The following DCLRE1C variants were observed in gnomAD, a reference collection of about 807,000 sequenced individuals.
DCLRE1C encodes protein artemis.
In DCLRE1C, 47 loss-of-function variants were observed where a neutral mutation model predicts 61.4. The observed-to-expected ratio is 0.77, with a 90% CI of 0.61 to 0.98. The LOEUF (loss-of-function observed/expected upper bound fraction) is 0.98. Among genes scored for constraint, DCLRE1C ranks in the 50% least tolerant of loss-of-function variants. DCLRE1C has a pLI of 0.00. For synonymous variants in DCLRE1C, 337 were observed against 287.6 expected (o/e 1.17, Z -1.74); for missense variants, 858 against 816.0 (o/e 1.05, Z -0.63).
At chr10:14,922,932 C>G in intron 12 of DCLRE1C, 49 bp downstream of exon 12, 2 of 1,342,842 alleles carry the variant, frequency 1.5e-6, no homozygotes, top group Non-Finnish European at 2.1e-6. Flanking sequence ...GTGTCCTAGC[C>G]AAGAGCCACC....
Position 14,906,134 on chromosome 10 carries a change from A to C in DCLRE1C, c.*2274T>G, listed in dbSNP as rs902632006. Among the ~76,000 whole-genome samples, 2 of 152,244 alleles carry C rather than the reference A, an allele frequency of 1.3e-5. No individual in the cohort carries two copies. Among genetic ancestry groups the C allele is most frequent in the Admixed American group, 6.5e-5 (1 of 15,286 alleles). ...AGTTAAGATCATGGTCTCTGAAGCCAAACTGCCTGTGTTTGAATTCTGCCT... is the reference window on the plus strand; with the variant it reads ...AGTTAAGATCATGGTCTCTGAAGCCCAACTGCCTGTGTTTGAATTCTGCCT... On this transcript the variant is annotated 3_prime_UTR_variant, in exon 14 of 14. Transcript: ENST00000378278.
At chr10:14,929,663 A>T (rs1055686079) in intron 9 of DCLRE1C, among the ~76,000 whole-genome samples, 1 of 151,018 alleles carries the variant, frequency 6.6e-6, no homozygotes, top group African/African-American at 2.5e-5. Flanking sequence ...AATTCAAATT[A>T]AAAAGTTTTC....
downstream of DCLRE1C, chr10:14,904,423 A>G (rs1263673059): frequency 2.7e-5 from 4 of 149,982 alleles, no homozygotes; most frequent in South Asian, 2.1e-4. Flanking sequence ...CAGTGTTAAG[A>G]AAAGGTTGTA....
chr10:14,935,320 G>C, intron 6 of DCLRE1C, 143 bp downstream of exon 6: 1 of 866,284 alleles, frequency 1.2e-6, no homozygotes, highest in Non-Finnish European at 1.8e-6. Context: ...TACAAAATTA[G>C]CTGGGCGTGG....
chr10:14,954,161 G>A (rs1842855412), upstream of DCLRE1C: 1 of 1,371,848 alleles, frequency 7.3e-7, no homozygotes, highest in Non-Finnish European at 1.0e-6. Context: ...CCGGAGACCG[G>A]GGGCAAAGTC....
chr10:14,923,197 C>A, intron 11 of DCLRE1C, 128 bp from the exon 12 acceptor site: 1 of 740,090 alleles, frequency 1.4e-6, no homozygotes, highest in Non-Finnish European at 2.4e-6. Context: ...GCTGGCTGCA[C>A]GTGGGGATCA....
At chr10:14,899,437 A>T in intron 13 of DCLRE1C, 2 of 1,285,356 alleles carry the variant, frequency 1.6e-6, no homozygotes, top group East Asian at 2.4e-5. Context: ...TGAATTTCTT[A>T]CTTTTTAAAT....
chr10:14,898,915 C>G (rs1450884297), exon 14 of DCLRE1C: 1 of 314,998 alleles, frequency 3.2e-6, no homozygotes, highest in Admixed American at 4.8e-5. Flanking sequence ...CATATACTTG[C>G]AGATTTAGTC....
intron 2 of DCLRE1C, among the ~76,000 whole-genome samples, chr10:14,947,174 T>C (rs1841824533): frequency 6.6e-6 from 1 of 152,070 alleles, no homozygotes. Flanking sequence ...ATCACGCTAC[T>C]GCACTCCTGC....
chr10:14,945,081 A>C, intron 3 of DCLRE1C, 24 bp downstream of exon 3: 1 of 1,572,014 alleles, frequency 6.4e-7, no homozygotes, highest in Non-Finnish European at 8.7e-7. Context: ...AAAAAAATTA[A>C]GTTATTAAAA....
intron 13 of DCLRE1C, among the ~76,000 whole-genome samples, chr10:14,918,939 T>C (rs41299738): frequency 3.1e-4 from 47 of 152,362 alleles, no homozygotes; most frequent in Non-Finnish European, 5.7e-4. Context: ...CTTAAGTCTC[T>C]AAACTTCAGT....
intron 12 of DCLRE1C, among the ~76,000 whole-genome samples, chr10:14,921,698 C>T (rs1837147174): frequency 6.6e-6 from 1 of 152,124 alleles, no homozygotes; most frequent in Admixed American, 6.6e-5. Context: ...CTCTGCTTAC[C>T]CTTCCCTTTG....
intron 12 of DCLRE1C, among the ~76,000 whole-genome samples, chr10:14,921,335 AAAC>A (rs1266355628): frequency 5.9e-5 from 9 of 152,038 alleles, no homozygotes; most frequent in Non-Finnish European, 1.2e-4. Flanking sequence ...AAGAAAAAAA[AAAC>A]AAGCACCTGA....
intron 3 of DCLRE1C, 54 bp from the exon 4 acceptor site, chr10:14,939,923 T>C: frequency 2.2e-6 from 3 of 1,367,336 alleles, no homozygotes; most frequent in Non-Finnish European, 3.1e-6. Flanking sequence ...TGGCTTTATA[T>C]GCCTTTGCTG....
intron 8 of DCLRE1C, among the ~76,000 whole-genome samples, chr10:14,934,072 A>T (rs761570491): frequency 2.0e-5 from 3 of 152,132 alleles, no homozygotes; most frequent in Admixed American, 2.0e-4. Context: ...TCAGGCCTAT[A>T]ATCCCAGCAC....
rs41296440 is a variant in DCLRE1C, at chr10:14,944,096, T to G, written c.246+1009A>C. 7.8e-3 allele frequency among the ~76,000 whole-genome samples: 1,186 copies of G among 152,280 alleles called. 22 individuals are homozygous for G. Among genetic ancestry groups the G allele is most frequent in the African/African-American group, 0.027 (1,134 of 41,554 alleles). ...ATCCCTTCCTTATGACAGCCTGTAA[T>G]TTGTTTATTTTTCTTACTCTATCCC... On this transcript the variant is annotated intron_variant, in intron 3 of 13. Coordinates refer to ENST00000378278, the MANE Select transcript of DCLRE1C (RefSeq NM_001033855.3).
rs1834301011 is a variant in DCLRE1C at position 14,905,325 on chromosome 10, A to T, written c.*3083T>A. ...CATAATGTGGATGAATACTTCAGAA[A>T]TTTTTGAGCATTGTCACTCACCAGG... On this transcript the variant is annotated 3_prime_UTR_variant, in exon 14 of 14. Coordinates refer to ENST00000378278, the MANE Select transcript of DCLRE1C (RefSeq NM_001033855.3). Among the ~76,000 whole-genome samples, 1 of 152,258 alleles carries T rather than the reference A, an allele frequency of 6.6e-6. No individual in the cohort carries two copies. The highest frequency in any genetic ancestry group is 2.1e-4 in the South Asian group (1 of 4,836).
intron 2 of DCLRE1C, 145 bp downstream of exon 2, chr10:14,948,891 G>A (rs1435849207): frequency 6.0e-6 from 4 of 662,588 alleles, no homozygotes; most frequent in Middle Eastern, 4.0e-4. Flanking sequence ...AGGGGTCTGG[G>A]ATATTGGTAC....
chr10:14,928,449 G>A (rs1035972060), intron 9 of DCLRE1C, among the ~76,000 whole-genome samples: 1 of 152,148 alleles, frequency 6.6e-6, no homozygotes, highest in Admixed American at 6.5e-5. Context: ...CGCAATGGAC[G>A]ACCCTCAAAT....
Sources: allele counts gnomAD v4.1 joint callset (sites outside exome capture counted in the v4.1 genomes callset), GRCh38; gene constraint gnomAD v4.1.1; transcripts MANE v1.5; gene names NCBI Gene and HGNC (gene_info 2026-07-23, HGNC 2026-07-21).